CTNNA3: variants seen among roughly 807,000 people sequenced by gnomAD.
The protein encoded by CTNNA3 is catenin alpha-3.
CTNNA3 carries 76 observed loss-of-function variants against 95.7 expected under a neutral mutation model. That is an observed-to-expected ratio of 0.79 (90% CI 0.66 to 0.96). CTNNA3 has a LOEUF of 0.96. Among genes scored for constraint, CTNNA3 ranks in the 40% least tolerant of loss-of-function variants. CTNNA3 has a pLI of 0.00. For synonymous variants in CTNNA3, 431 were observed against 374.4 expected (o/e 1.15, Z -1.74); for missense variants, 1,191 against 1,089.8 (o/e 1.09, Z -1.31).
At position 65,920,443 on chromosome 10, in the gene CTNNA3, TCAAGGGTTTTTTTG is replaced by T; in HGVS notation, c.2561_2574del (p.Ala854AspfsTer2). 1 of 1,614,166 alleles carries T rather than the reference TCAAGGGTTTTTTTG, an allele frequency of 6.2e-7. No individual in the cohort carries two copies. The highest frequency in any genetic ancestry group is 1.1e-5 in the South Asian group (1 of 91,078). On this transcript the variant is annotated frameshift_variant, in exon 18 of 18. Transcript: ENST00000433211. LOFTEE classifies it high-confidence loss of function. The stretch of plus-strand genomic sequence containing the variant: ...GTTTCCTCTGGCTTCTCTCTTTTAA[TCAAGGGTTTTTTTG>T]CAGGAGCCTTCATTCTCCACATCAC...
intron 11 of CTNNA3, among the ~76,000 whole-genome samples, chr10:66,413,517 T>C (rs985674042): frequency 2.6e-5 from 4 of 152,232 alleles, no homozygotes; most frequent in Non-Finnish European, 5.9e-5. Context: ...AGGTGGGAAT[T>C]AGCTCTCTTA....
At chr10:66,911,129 C>T (rs1458029068) in intron 7 of CTNNA3, among the ~76,000 whole-genome samples, 1 of 152,120 alleles carries the variant, frequency 6.6e-6, no homozygotes, top group African/African-American at 2.4e-5. Flanking sequence ...AATTTCTTTC[C>T]TTTTCAGAGC....
At chr10:66,845,520 A>G (rs1185428167) in intron 7 of CTNNA3, among the ~76,000 whole-genome samples, 1 of 151,496 alleles carries the variant, frequency 6.6e-6, no homozygotes, top group Non-Finnish European at 1.5e-5. Flanking sequence ...CCTGACCAAC[A>G]TGGAGAAACC....
chr10:66,199,806 T>TATGTATATATATATA (rs1554887153), intron 13 of CTNNA3, among the ~76,000 whole-genome samples: 1 of 9,036 alleles, frequency 1.1e-4, no homozygotes. Context: ...TATATATATA[T>TATGTATATATATATA]TTTTTTTTTT....
chr10:67,027,846 C>A (rs1645972257), intron 7 of CTNNA3, among the ~76,000 whole-genome samples: 1 of 152,090 alleles, frequency 6.6e-6, no homozygotes, highest in African/African-American at 2.4e-5. Flanking sequence ...TTAAAATTTA[C>A]ACTGATAGAT....
At chr10:66,490,030 T>C (rs755230806) in intron 11 of CTNNA3, among the ~76,000 whole-genome samples, 18 of 152,190 alleles carry the variant, frequency 1.2e-4, no homozygotes, top group Admixed American at 1.1e-3. Context: ...ATTTCGATAG[T>C]TTCTATCGAG....
At chr10:67,686,744 G>A (rs1235610326) in intron 1 of CTNNA3, among the ~76,000 whole-genome samples, 1 of 152,106 alleles carries the variant, frequency 6.6e-6, no homozygotes, top group African/African-American at 2.4e-5. Flanking sequence ...GTCACTGATT[G>A]TGGGGTTGTC....
At chr10:66,745,027 G>C (rs1219361813) in intron 9 of CTNNA3, among the ~76,000 whole-genome samples, 1 of 152,140 alleles carries the variant, frequency 6.6e-6, no homozygotes, top group Non-Finnish European at 1.5e-5. Flanking sequence ...TCAAGACCGT[G>C]GGTTCATTAT....
intron 7 of CTNNA3, among the ~76,000 whole-genome samples, chr10:67,031,379 A>G (rs1177305452): frequency 6.6e-6 from 1 of 152,168 alleles, no homozygotes; most frequent in East Asian, 1.9e-4. Context: ...ATCTAAGAAT[A>G]TCATTCTTCG....
chr10:66,116,368 T>A lies in CTNNA3; in HGVS notation c.1885-13119A>T, dbSNP rs1299350777. 2.6e-5 allele frequency among the ~76,000 whole-genome samples: 4 copies of A among 152,166 alleles called. No homozygotes were observed. In the East Asian group the frequency reaches 7.7e-4, roughly 29 times the overall value. On this transcript the variant is annotated intron_variant, in intron 13 of 17. Coordinates refer to ENST00000433211, the MANE Select transcript of CTNNA3 (RefSeq NM_013266.4). ...TATACACACCATAGAATCTAGTCAT[T>A]CTACTTGTTAGTATTTACCAAAGAG...
chr10:67,755,650 A>G (rs1841428657), intron 1 of CTNNA3, among the ~76,000 whole-genome samples: 2 of 151,832 alleles, frequency 1.3e-5, no homozygotes, highest in Admixed American at 6.6e-5. Flanking sequence ...AAAAATACAA[A>G]AATTAGCCAG....
Position 66,422,862 on chromosome 10 carries a change from TCAAGTGATCCACCTCC to T in CTNNA3, c.1532-43526_1532-43511del, listed in dbSNP as rs1160441361. On this transcript the variant is annotated intron_variant, in intron 11 of 17. Transcript: ENST00000433211. ...TCAGGCTGGTCTTGAACCCCTGACC[TCAAGTGATCCACCTCC>T]CTCGGCCTACCAAAGTGCTGGAATT... 2.3e-5 allele frequency among the ~76,000 whole-genome samples: 3 copies of T among 132,402 alleles called. No individual in the cohort carries two copies. In the East Asian group the frequency reaches 6.6e-4, roughly 29 times the overall value. 86.9% of individuals were successfully genotyped at this position (132,402 alleles called of 152,430 possible).
chr10:67,045,275 G>A (rs2133162054), intron 7 of CTNNA3, among the ~76,000 whole-genome samples: 1 of 152,208 alleles, frequency 6.6e-6, no homozygotes, highest in South Asian at 2.1e-4. Context: ...TATAAACACA[G>A]ATAAGAAACC....
intron 9 of CTNNA3, among the ~76,000 whole-genome samples, chr10:66,640,126 G>A (rs1448159446): frequency 6.6e-6 from 1 of 152,212 alleles, no homozygotes; most frequent in Non-Finnish European, 1.5e-5. Flanking sequence ...TTTTCAGTGT[G>A]GCAGATAAAC....
At chr10:66,914,492 G>A (rs1846382525) in intron 7 of CTNNA3, among the ~76,000 whole-genome samples, 1 of 150,320 alleles carries the variant, frequency 6.7e-6, no homozygotes. Flanking sequence ...ACACGAACTG[G>A]CTAAATTACC....
At chr10:66,621,813 T>A (rs775336104) in intron 9 of CTNNA3, 29 bp from the exon 10 acceptor site, 1 of 1,414,256 alleles carries the variant, frequency 7.1e-7, no homozygotes, top group East Asian at 2.3e-5. Context: ...TAATGGAAAT[T>A]ATTTTAGATT....
intron 1 of CTNNA3, among the ~76,000 whole-genome samples, chr10:67,727,383 G>A (rs866431522): frequency 6.3e-5 from 8 of 127,478 alleles, no homozygotes; most frequent in East Asian, 2.1e-4. Flanking sequence ...TGTATGTTAC[G>A]TATTATAATT....
intron 9 of CTNNA3, among the ~76,000 whole-genome samples, chr10:66,660,461 A>G (rs573220623): frequency 6.6e-6 from 1 of 152,270 alleles, no homozygotes; most frequent in East Asian, 1.9e-4. Context: ...ATACTGCTGT[A>G]GTTCTTAGAG....
intron 3 of CTNNA3, among the ~76,000 whole-genome samples, chr10:67,592,372 G>C (rs1453994573): frequency 3.3e-5 from 5 of 152,084 alleles, no homozygotes; most frequent in African/African-American, 1.2e-4. Flanking sequence ...GCTGGGGGCA[G>C]CAGGAGTAAA....
Sources: allele counts gnomAD v4.1 joint callset (sites outside exome capture counted in the v4.1 genomes callset), GRCh38; gene constraint gnomAD v4.1.1; transcripts MANE v1.5; gene names NCBI Gene and HGNC (gene_info 2026-07-23, HGNC 2026-07-21).